The following PTPRT variants were observed in gnomAD, a reference collection of about 807,000 sequenced individuals.
PTPRT encodes receptor-type tyrosine-protein phosphatase T.
In PTPRT, 56 loss-of-function variants were observed where a neutral mutation model predicts 176.8. The ratio of observed to expected loss-of-function variants is 0.32; its 90% confidence interval spans 0.26 to 0.40. PTPRT has a LOEUF of 0.40. PTPRT is among the 10% of genes least tolerant of loss of function. The pLI is 1.00. For missense variants in PTPRT, 1,540 were observed against 1,908.2 expected (o/e 0.81, Z 3.60); for synonymous variants, 783 against 739.0 (o/e 1.06, Z -0.96).
At chr20:43,046,311 C>T (rs944834126) in intron 1 of PTPRT, among the ~76,000 whole-genome samples, 2 of 152,012 alleles carry the variant, frequency 1.3e-5, no homozygotes, top group Non-Finnish European at 2.9e-5. Context: ...GTGGCTCGCA[C>T]CTGTAATCCC....
intron 6 of PTPRT, among the ~76,000 whole-genome samples, chr20:42,686,739 G>A (rs1042850771): frequency 7.9e-5 from 12 of 151,830 alleles, no homozygotes; most frequent in East Asian, 2.0e-4. Context: ...TGATCCATCC[G>A]CCTCAGTGTC....
chr20:42,637,445 C>G (rs1286721395), intron 7 of PTPRT, among the ~76,000 whole-genome samples: 4 of 152,086 alleles, frequency 2.6e-5, no homozygotes, highest in East Asian at 3.9e-4. Flanking sequence ...CTTGTTCCCC[C>G]CTCACATCCT....
intron 7 of PTPRT, among the ~76,000 whole-genome samples, chr20:42,543,052 T>C (rs1323130841): frequency 1.3e-5 from 2 of 152,242 alleles, no homozygotes; most frequent in East Asian, 3.9e-4. Flanking sequence ...TGTCTCGATG[T>C]TGATGGCTGC....
At chr20:42,521,021 AATCC>A (rs539095852) in intron 7 of PTPRT, among the ~76,000 whole-genome samples, 1 of 151,412 alleles carries the variant, frequency 6.6e-6, no homozygotes, top group Non-Finnish European at 1.5e-5. Flanking sequence ...CTACCTATCT[AATCC>A]ATCCATCCAT....
chr20:42,180,804 T>A (rs1342674104), intron 16 of PTPRT, among the ~76,000 whole-genome samples: 1 of 152,200 alleles, frequency 6.6e-6, no homozygotes, highest in Non-Finnish European at 1.5e-5. Context: ...TGCCATCCTC[T>A]TACTTAGTGG....
At chr20:42,041,203 G>C in the PTPRT span, among the ~76,000 whole-genome samples, 1 of 152,106 alleles carries the variant, frequency 6.6e-6, no homozygotes, top group Non-Finnish European at 1.5e-5. Flanking sequence ...TGCCCTCGAT[G>C]CTCCCGTTTT....
chr20:42,599,105 A>C (rs1329437676), intron 7 of PTPRT, among the ~76,000 whole-genome samples: 2 of 152,208 alleles, frequency 1.3e-5, no homozygotes, highest in Non-Finnish European at 2.9e-5. Context: ...AGGGAGCAGC[A>C]GTGCAGATGC....
chr20:42,240,731 C>T (rs371097449), intron 14 of PTPRT, among the ~76,000 whole-genome samples: 1 of 152,074 alleles, frequency 6.6e-6, no homozygotes, highest in East Asian at 1.9e-4. Context: ...ATCCATCCAT[C>T]CACCCACCCA....
chr20:42,402,612 CAG>C (rs1196011384), intron 9 of PTPRT, among the ~76,000 whole-genome samples: 3 of 151,194 alleles, frequency 2.0e-5, no homozygotes, highest in African/African-American at 7.3e-5. Flanking sequence ...ATTTACAAGA[CAG>C]AGAGGGAGGC....
chr20:42,861,017 C>T (rs1317766788), intron 2 of PTPRT, among the ~76,000 whole-genome samples: 1 of 152,210 alleles, frequency 6.6e-6, no homozygotes, highest in Non-Finnish European at 1.5e-5. Context: ...TCACCACTTT[C>T]ACCCACCAAC....
In PTPRT at chr20:42,270,484, C is replaced by A. The variant is rs907538324; in HGVS notation, c.2176+12005G>T. On this transcript the variant is annotated intron_variant, in intron 13 of 30. Transcript: ENST00000373187. ...CACAAGGAAGCCAGTCCCCAGGCAGCATGCAGAAGAGAAGGAGAGAAAGAA... is the reference window on the plus strand; with the variant it reads ...CACAAGGAAGCCAGTCCCCAGGCAGAATGCAGAAGAGAAGGAGAGAAAGAA... 12 of 1,548,770 alleles carry A rather than the reference C, an allele frequency of 7.7e-6. 1 individual carries two copies. The highest frequency in any genetic ancestry group is 3.9e-5 in the Admixed American group (2 of 50,946).
intron 11 of PTPRT, among the ~76,000 whole-genome samples, chr20:42,329,758 T>C (rs989207729): frequency 6.6e-6 from 1 of 152,160 alleles, no homozygotes; most frequent in Non-Finnish European, 1.5e-5. Flanking sequence ...ATTTCCCAAA[T>C]GTCAGTATTT....
intron 7 of PTPRT, among the ~76,000 whole-genome samples, chr20:42,650,911 C>T (rs528745799): frequency 1.1e-4 from 17 of 152,122 alleles, no homozygotes; most frequent in Admixed American, 3.3e-4. Flanking sequence ...AATTAAGAAA[C>T]CCCAGCAATA....
chr20:42,484,673 A>G (rs144720834), intron 7 of PTPRT, among the ~76,000 whole-genome samples: 1 of 152,334 alleles, frequency 6.6e-6, no homozygotes, highest in African/African-American at 2.4e-5. Flanking sequence ...GTGAGTTAAG[A>G]GTGGTGTCTT....
At chr20:42,748,873 G>A (rs1378046619) in intron 6 of PTPRT, among the ~76,000 whole-genome samples, 1 of 151,910 alleles carries the variant, frequency 6.6e-6, no homozygotes, top group Non-Finnish European at 1.5e-5. Flanking sequence ...GTAGGATAGA[G>A]CTCCAGACGG....
At chr20:43,148,833 G>A (rs553533065) in intron 1 of PTPRT, among the ~76,000 whole-genome samples, 9 of 152,138 alleles carry the variant, frequency 5.9e-5, no homozygotes, top group Admixed American at 1.3e-4. Context: ...AAATAAAGCC[G>A]CAGAAGTGAA....
intron 2 of PTPRT, among the ~76,000 whole-genome samples, chr20:42,798,707 T>C (rs1454094952): frequency 1.3e-5 from 2 of 152,152 alleles, no homozygotes; most frequent in Non-Finnish European, 2.9e-5. Flanking sequence ...TCACTTTGCG[T>C]GAACAAGTAA....
chr20:42,982,546 A>G (rs775548161), intron 1 of PTPRT, among the ~76,000 whole-genome samples: 4 of 152,158 alleles, frequency 2.6e-5, no homozygotes, highest in African/African-American at 4.8e-5. Context: ...AAAAAGAAAA[A>G]TCTGCCAAAG....
At chr20:42,960,798 G>C (rs1361453497) in intron 1 of PTPRT, among the ~76,000 whole-genome samples, 1 of 152,150 alleles carries the variant, frequency 6.6e-6, no homozygotes, top group African/African-American at 2.4e-5. Context: ...CCAGAGCAGA[G>C]AGTAAGAAGC....
Sources: gnomAD v4.1 joint callset for allele counts (sites outside exome capture counted in the v4.1 genomes callset) on GRCh38, gnomAD v4.1.1 for gene constraint, MANE v1.5 for transcripts, NCBI Gene and HGNC (gene_info 2026-07-23, HGNC 2026-07-21) for gene names.